Variants in TXLNG observed in about 807,000 individuals in gnomAD.
TXLNG encodes taxilin gamma, also known as gamma-taxilin.
A neutral mutation model predicts 38.8 loss-of-function variants in TXLNG; 5 were observed. That is an observed-to-expected ratio of 0.13 (90% CI 0.07 to 0.27). TXLNG has a LOEUF of 0.27. Ranked by LOEUF, TXLNG falls within the 10% of genes least tolerant of loss-of-function variation. TXLNG has a pLI of 1.00. For missense variants in TXLNG, 393 were observed against 398.2 expected (o/e 0.99, Z 0.11); for synonymous variants, 182 against 158.2 (o/e 1.15, Z -1.13).
At chrX:16,818,450 A>G in intron 1 of TXLNG, 124 bp from the exon 2 acceptor site, 1 of 748,535 alleles carries the variant, frequency 1.3e-6, no homozygotes, top group Non-Finnish European at 1.9e-6. Context: ...CCATATTTAC[A>G]TCAATTTTGC....
At chrX:16,794,581 TGAA>T (rs1217040728) in intron 1 of TXLNG, among the ~76,000 whole-genome samples, 10 of 111,908 alleles carry the variant, frequency 8.9e-5, no homozygotes, top group African/African-American at 3.2e-4. Flanking sequence ...AGCAAAGAGT[TGAA>T]GTGGTCTGGG....
At chrX:16,798,022 T>G (rs1927949774) in intron 1 of TXLNG, among the ~76,000 whole-genome samples, 1 of 112,391 alleles carries the variant, frequency 8.9e-6, no homozygotes, top group Non-Finnish European at 1.9e-5. Context: ...CTCACACATG[T>G]ATGTAGTTGG....
chrX:16,822,717 A>G (rs1323501781), intron 3 of TXLNG, among the ~76,000 whole-genome samples: 1 of 112,489 alleles, frequency 8.9e-6, no homozygotes. Context: ...TACCCAACCC[A>G]GTGATGTGAC....
chrX:16,840,002 C>CTGTA (rs1470660537), intron 9 of TXLNG, 86 bp downstream of exon 9: 20 of 692,777 alleles, frequency 2.9e-5, no homozygotes, highest in African/African-American at 4.4e-5. Flanking sequence ...GGGACGTGTG[C>CTGTA]TGTAACACTA....
intron 1 of TXLNG, among the ~76,000 whole-genome samples, chrX:16,788,687 A>G (rs868468005): frequency 7.0e-5 from 2 of 28,585 alleles, no homozygotes; most frequent in Non-Finnish European, 1.8e-4. Context: ...TTTTTTTTTG[A>G]GTCAGAGTCT....
intron 1 of TXLNG, among the ~76,000 whole-genome samples, chrX:16,800,127 A>ACGGAATTTTGTCATGTTGGCTAGG (rs1224473673): frequency 1.8e-5 from 2 of 110,849 alleles, no homozygotes; most frequent in South Asian, 7.8e-4. Context: ...TTTAGTAGAG[A>ACGGAATTTTGTCATGTTGGCTAGG]CGGAATTTTG....
At chrX:16,795,906 G>T (rs375402093) in intron 1 of TXLNG, among the ~76,000 whole-genome samples, 1 of 106,985 alleles carries the variant, frequency 9.3e-6, no homozygotes, top group Non-Finnish European at 1.9e-5. Flanking sequence ...TCTGCCTCCC[G>T]GGTTCAAACA....
intron 5 of TXLNG, among the ~76,000 whole-genome samples, chrX:16,831,405 A>G: frequency 8.9e-6 from 1 of 112,596 alleles, no homozygotes; most frequent in Non-Finnish European, 1.9e-5. Context: ...ATAAATAACA[A>G]TTACTGAATA....
intron 8 of TXLNG, 49 bp from the exon 9 acceptor site, chrX:16,839,772 A>C: frequency 2.1e-6 from 2 of 939,531 alleles, no homozygotes; most frequent in Non-Finnish European, 3.0e-6. Context: ...GACAGGGAGT[A>C]GAGATAAGGA....
intron 6 of TXLNG, among the ~76,000 whole-genome samples, chrX:16,832,954 A>G (rs933734206): frequency 5.3e-5 from 6 of 112,163 alleles, no homozygotes; most frequent in African/African-American, 9.7e-5. Context: ...GTTTATTTCT[A>G]TTTAACCTTT....
chrX:16,841,020 C>T (rs1421558756), intron 9 of TXLNG, among the ~76,000 whole-genome samples: 1 of 110,821 alleles, frequency 9.0e-6, no homozygotes, highest in Non-Finnish European at 1.9e-5. Flanking sequence ...CATGGTGAAA[C>T]TCCATCTCTA....
intron 1 of TXLNG, among the ~76,000 whole-genome samples, chrX:16,810,763 A>T (rs1045022348): frequency 9.0e-6 from 1 of 111,699 alleles, no homozygotes; most frequent in Non-Finnish European, 1.9e-5. Flanking sequence ...ATCTCAGCTC[A>T]CTGCAACCTC....
At chrX:16,793,485 CTT>C (rs754311442) in intron 1 of TXLNG, among the ~76,000 whole-genome samples, 1 of 100,458 alleles carries the variant, frequency 1.0e-5, no homozygotes, top group Non-Finnish European at 2.0e-5. Context: ...TTACTGGCTA[CTT>C]TTTTTTTTTT....
At chrX:16,817,620 G>T (rs1468359772) in intron 1 of TXLNG, among the ~76,000 whole-genome samples, 1 of 111,917 alleles carries the variant, frequency 8.9e-6, no homozygotes, top group African/African-American at 3.2e-5. Context: ...GAGAGTAAAT[G>T]CACAGAATTT....
At chrX:16,808,756 A>G (rs948724308) in intron 1 of TXLNG, among the ~76,000 whole-genome samples, 2 of 111,831 alleles carry the variant, frequency 1.8e-5, no homozygotes, top group Admixed American at 9.6e-5. Context: ...GGATGGATGT[A>G]CAGCAGTTTA....
chrX:16,809,650 T>C (rs1928447070), intron 1 of TXLNG, among the ~76,000 whole-genome samples: 1 of 110,856 alleles, frequency 9.0e-6, no homozygotes, highest in African/African-American at 3.3e-5. Flanking sequence ...GGCCAAGATA[T>C]TTTCTTCCAG....
chrX:16,823,258 AGAC>A (rs1929041635), intron 3 of TXLNG, among the ~76,000 whole-genome samples: 3 of 109,673 alleles, frequency 2.7e-5, no homozygotes, highest in Non-Finnish European at 3.8e-5. Context: ...CGGGAGTTCG[AGAC>A]CAGCCTTACC....
At chrX:16,828,029 A>C in intron 3 of TXLNG, 65 bp from the exon 4 acceptor site, 1 of 1,028,187 alleles carries the variant, frequency 9.7e-7, no homozygotes, top group South Asian at 2.7e-5. Context: ...CTCTCATTAT[A>C]ATTCTAGCCA....
At chrX:16,817,561 C>G (rs917822267) in intron 1 of TXLNG, among the ~76,000 whole-genome samples, 3 of 111,792 alleles carry the variant, frequency 2.7e-5, no homozygotes, top group East Asian at 5.6e-4. Flanking sequence ...TAAACACCTC[C>G]TCACCTCAAC....
Sources: allele counts gnomAD v4.1 joint callset (sites outside exome capture counted in the v4.1 genomes callset), GRCh38; gene constraint gnomAD v4.1.1; transcripts MANE v1.5; gene names NCBI Gene and HGNC (gene_info 2026-07-23, HGNC 2026-07-21).